The following TENM4 variants were observed in gnomAD, a reference collection of about 807,000 sequenced individuals.
The protein encoded by TENM4 is teneurin-4.
Under a neutral mutation model 243.3 loss-of-function variants are expected in TENM4, and 82 were observed. The ratio of observed to expected loss-of-function variants is 0.34; its 90% CI spans 0.28 to 0.40. TENM4 has a LOEUF of 0.40. Ranked by LOEUF, TENM4 falls within the 10% of genes least tolerant of loss-of-function variation. TENM4 has a pLI of 1.00. For synonymous variants in TENM4, 1,412 were observed against 1,456.3 expected (o/e 0.97, Z 0.69); for missense variants, 3,138 against 3,673.3 (o/e 0.85, Z 3.77).
At chr11:79,066,764 G>GCACA (rs767895404) in intron 5 of TENM4, among the ~76,000 whole-genome samples, 4 of 151,732 alleles carry the variant, frequency 2.6e-5, no homozygotes, top group Non-Finnish European at 5.9e-5. Flanking sequence ...GCACAAGCAC[G>GCACA]CACACACACA....
chr11:78,676,446 G>A lies in TENM4; in HGVS notation c.5261-59C>T. The A allele has an allele frequency of 2.1e-6, 3 of 1,407,612 alleles. No homozygotes were observed. The South Asian group carries it at 4.5e-5, about 21-fold the overall frequency. 87.2% of individuals were successfully genotyped at this position (1,407,612 alleles called of 1,614,324 possible). A position where few individuals can be genotyped will look rare whatever the true frequency, so the allele number is the denominator to read the frequency against. On this transcript the variant is annotated intron_variant, in intron 29 of 33. Coordinates refer to ENST00000278550, the MANE Select transcript of TENM4 (RefSeq NM_001098816.3). ...GGAACGAAGGTGGAGGGAGGTGTGA[G>A]GACAGCAGAGGCGGTGGAGGGGACT... is the stretch of plus-strand genomic sequence containing the variant.
At chr11:78,904,549 C>T (rs1856021459) in intron 6 of TENM4, among the ~76,000 whole-genome samples, 1 of 151,974 alleles carries the variant, frequency 6.6e-6, no homozygotes, top group South Asian at 2.1e-4. Context: ...TGGTTAAAAA[C>T]CACTCAACAT....
intron 1 of TENM4, among the ~76,000 whole-genome samples, chr11:79,374,690 C>T (rs936892404): frequency 2.0e-5 from 3 of 151,880 alleles, no homozygotes; most frequent in Non-Finnish European, 4.4e-5. Context: ...CTAGTTTTTT[C>T]ACAGGCTCAC....
At chr11:79,121,792 T>C (rs1167076150) in intron 4 of TENM4, among the ~76,000 whole-genome samples, 8 of 152,158 alleles carry the variant, frequency 5.3e-5, no homozygotes, top group African/African-American at 1.9e-4. Context: ...CAATACTGGA[T>C]AGGAATTCTG....
intron 1 of TENM4, among the ~76,000 whole-genome samples, chr11:79,317,879 T>C (rs150299442): frequency 0.019 from 2,830 of 152,290 alleles, 54 homozygotes; most frequent in Non-Finnish European, 0.024. Flanking sequence ...TGCTTTTGTC[T>C]GTCACTGAGG....
chr11:78,872,868 C>T (rs1859170969), intron 9 of TENM4, among the ~76,000 whole-genome samples: 1 of 152,098 alleles, frequency 6.6e-6, no homozygotes, highest in Non-Finnish European at 1.5e-5. Flanking sequence ...GAGGTGGTCC[C>T]CACTGTACCT....
In TENM4 at chr11:78,789,852, C is replaced by T. The variant is rs567274208; in HGVS notation, c.2180-2769G>A. ...TTTATTAAGTCACCTGGAGACAGTA[C>T]GGACAAAAGACAGTAAGACTTGGAA... On this transcript the variant is annotated intron_variant, in intron 15 of 33. Transcript: ENST00000278550. Among the ~76,000 whole-genome samples, 173 of 152,234 alleles carry T rather than the reference C, an allele frequency of 1.1e-3. 1 individual carries two copies. The highest frequency in any genetic ancestry group is 4.0e-3 in the African/African-American group (165 of 41,546).
At chr11:78,824,099 T>C (rs914575766) in intron 12 of TENM4, among the ~76,000 whole-genome samples, 4 of 152,196 alleles carry the variant, frequency 2.6e-5, no homozygotes, top group African/African-American at 9.7e-5. Flanking sequence ...TCTTCTACCA[T>C]ACCACAACTG....
At chr11:79,392,627 C>T (rs757829002) in intron 1 of TENM4, among the ~76,000 whole-genome samples, 3 of 152,216 alleles carry the variant, frequency 2.0e-5, no homozygotes, top group Non-Finnish European at 2.9e-5. Flanking sequence ...TGTCCTGCAT[C>T]GCTGTGACAC....
intron 18 of TENM4, among the ~76,000 whole-genome samples, chr11:78,763,595 G>A (rs79919390): frequency 6.6e-6 from 1 of 152,232 alleles, no homozygotes; most frequent in Non-Finnish European, 1.5e-5. Context: ...TTTGATGCCT[G>A]CCTTGCAGGT....
At chr11:78,726,261 A>C (rs544142141) in intron 22 of TENM4, 39 bp from the exon 23 acceptor site, 2 of 1,606,260 alleles carry the variant, frequency 1.2e-6, no homozygotes, top group Non-Finnish European at 1.7e-6. Flanking sequence ...ATAAGTGAGC[A>C]AAGCCCACTC....
chr11:78,778,461 G>C, intron 17 of TENM4, 141 bp downstream of exon 17: 3 of 908,904 alleles, frequency 3.3e-6, no homozygotes, highest in Non-Finnish European at 5.0e-6. Flanking sequence ...TGGATGCTGC[G>C]ACAAAACTGG....
chr11:78,969,272 A>C (rs1242546140), intron 6 of TENM4, among the ~76,000 whole-genome samples: 1 of 152,266 alleles, frequency 6.6e-6, no homozygotes. Flanking sequence ...AAAAGGGGCA[A>C]TGTGTTAGGG....
intron 10 of TENM4, among the ~76,000 whole-genome samples, chr11:78,861,884 T>C (rs193210784): frequency 1.2e-3 from 190 of 152,300 alleles, no homozygotes; most frequent in Non-Finnish European, 1.7e-3. Flanking sequence ...CCATAGCAGG[T>C]GCAGGAGAAG....
At chr11:79,344,511 GAGT>G (rs1436092827) in intron 1 of TENM4, among the ~76,000 whole-genome samples, 1 of 152,190 alleles carries the variant, frequency 6.6e-6, no homozygotes, top group Non-Finnish European at 1.5e-5. Context: ...TACAGAAAGA[GAGT>G]ACATGACACC....
In TENM4 at chr11:78,732,479, C is replaced by G; in HGVS notation, c.2975G>C (p.Arg992Pro). ...GATGATGGTTTCCATGACAAAGAAG[C>G]GATCCCATGGCAGCCACAGGGTGTG... ...QEHTLWLPWDRFFVMETIIMR... is the reference protein window; with the variant it reads ...QEHTLWLPWDPFFVMETIIMR... The change falls in exon 21 of 34, where the codon CGC becomes CCC. Residue 992 changes from arginine (R) to proline (P), a missense_variant. This residue lies in a region of TENM4 where 2,467 missense variants were observed against 3,059.1 expected (regional missense o/e 0.81). Transcript: ENST00000278550. 1 of 1,613,640 alleles carries G rather than the reference C, an allele frequency of 6.2e-7. No homozygotes were observed. The highest frequency in any genetic ancestry group is 8.5e-7 in the Non-Finnish European group (1 of 1,179,766).
chr11:79,221,687 C>G (rs987664518), intron 2 of TENM4, among the ~76,000 whole-genome samples: 1 of 152,118 alleles, frequency 6.6e-6, no homozygotes, highest in East Asian at 1.9e-4. Context: ...AGCCACACAG[C>G]GTAATGGAAT....
intron 19 of TENM4, among the ~76,000 whole-genome samples, chr11:78,752,987 C>A (rs1308281210): frequency 1.3e-5 from 2 of 152,142 alleles, no homozygotes; most frequent in African/African-American, 2.4e-5. Flanking sequence ...TTTTTGTTCC[C>A]ATTTAATTCT....
At chr11:79,034,068 A>G (rs966558132) in intron 6 of TENM4, among the ~76,000 whole-genome samples, 7 of 152,210 alleles carry the variant, frequency 4.6e-5, no homozygotes, top group African/African-American at 1.7e-4. Context: ...TATCTGTAAA[A>G]TGGGAGTAAT....
Sources: allele counts gnomAD v4.1 joint callset (sites outside exome capture counted in the v4.1 genomes callset), GRCh38; gene constraint gnomAD v4.1.1; regional missense constraint gnomAD v4.1.1; transcripts MANE v1.5; gene names NCBI Gene and HGNC (gene_info 2026-07-23, HGNC 2026-07-21).